Variants in BANK1 observed in about 807,000 individuals in gnomAD.
BANK1 encodes B-cell scaffold protein with ankyrin repeats.
Under a neutral mutation model 94.5 loss-of-function variants are expected in BANK1, and 95 were observed. That is an observed-to-expected ratio of 1.00 (90% CI 0.85 to 1.19). The LOEUF is 1.19. Among genes scored for constraint, BANK1 ranks in the 50% most tolerant of loss-of-function variants. The probability of loss-of-function intolerance (pLI) is 0.00; values close to 1 mark genes in which losing one functional copy is unlikely to be tolerated. For missense variants in BANK1, 987 were observed against 932.2 expected, an observed-to-expected ratio of 1.06 and a Z score of -0.77; for synonymous variants, 334 against 308.4, an observed-to-expected ratio of 1.08 and a Z score of -0.87.
intron 7 of BANK1, among the ~76,000 whole-genome samples, chr4:101,982,569 T>C (rs1407051122): frequency 6.6e-6 from 1 of 152,072 alleles, no homozygotes; most frequent in African/African-American, 2.4e-5. Context: ...AGGCAATCAA[T>C]AACTTTTTAA....
At position 101,988,505 on chromosome 4, in the gene BANK1, A is replaced by G. The variant is rs369775500; in HGVS notation, c.1207-33009A>G. On this transcript the variant is annotated intron_variant, in intron 7 of 16. Transcript: ENST00000322953. ...TTTTATTTGTAGACTGCTGGACATA[A>G]TGTGCCTCAACAAAGTATTTTTGAA... Among the ~76,000 whole-genome samples, 22 of 152,164 alleles carry G rather than the reference A, an allele frequency of 1.4e-4. No individual in the cohort carries two copies. The East Asian group carries it at 1.7e-3, about 12-fold the overall frequency.
At chr4:101,888,043 G>A (rs562313589) in intron 5 of BANK1, among the ~76,000 whole-genome samples, 2 of 151,970 alleles carry the variant, frequency 1.3e-5, no homozygotes, top group East Asian at 1.9e-4. Context: ...CACTTTAAAC[G>A]GCTGTTTTGG....
chr4:101,877,749 G>A (rs926175058), intron 5 of BANK1, among the ~76,000 whole-genome samples: 3 of 152,100 alleles, frequency 2.0e-5, no homozygotes, highest in African/African-American at 7.2e-5. Flanking sequence ...GCCAGGCATG[G>A]TGGCGGGTGC....
At chr4:102,069,721 C>T (rs1728697270) in intron 13 of BANK1, among the ~76,000 whole-genome samples, 1 of 152,080 alleles carries the variant, frequency 6.6e-6, no homozygotes, top group Admixed American at 6.5e-5. Flanking sequence ...ATGCAAATGT[C>T]CAATGGAAGA....
chr4:102,004,674 G>T (rs1726189618), intron 7 of BANK1, among the ~76,000 whole-genome samples: 1 of 152,048 alleles, frequency 6.6e-6, no homozygotes, highest in African/African-American at 2.4e-5. Context: ...GGTTTTAGTA[G>T]CTCATAATAG....
chr4:101,911,995 A>G (rs2148897873), intron 6 of BANK1, among the ~76,000 whole-genome samples: 1 of 152,264 alleles, frequency 6.6e-6, no homozygotes, highest in African/African-American at 2.4e-5. Context: ...TCTAATATCC[A>G]TTCATTTTAA....
At chr4:101,839,310 T>A (rs1019974786) in intron 2 of BANK1, among the ~76,000 whole-genome samples, 6 of 152,200 alleles carry the variant, frequency 3.9e-5, no homozygotes, top group Admixed American at 3.9e-4. Flanking sequence ...ATTCATTAAA[T>A]GTTTATGGTT....
chr4:101,813,884 C>T, intron 1 of BANK1: 1 of 985,392 alleles, frequency 1.0e-6, no homozygotes. Flanking sequence ...GGACTACTTG[C>T]TTGCTGGTTT....
intron 1 of BANK1, among the ~76,000 whole-genome samples, chr4:101,794,742 T>C (rs1321324698): frequency 2.0e-5 from 3 of 152,156 alleles, no homozygotes; most frequent in African/African-American, 7.2e-5. Context: ...CATTTACCCC[T>C]GAATTGAAAT....
intron 6 of BANK1, among the ~76,000 whole-genome samples, chr4:101,907,349 C>T (rs1477634612): frequency 1.3e-5 from 2 of 152,190 alleles, no homozygotes; most frequent in African/African-American, 4.8e-5. Context: ...TGACAAAATT[C>T]AACAGCACTT....
At chr4:102,025,542 A>T in intron 9 of BANK1, 33 bp downstream of exon 9, 1 of 1,589,896 alleles carries the variant, frequency 6.3e-7, no homozygotes, top group Non-Finnish European at 8.6e-7. Flanking sequence ...ACAAAACAAA[A>T]CAAAGACAAA....
intron 7 of BANK1, among the ~76,000 whole-genome samples, chr4:102,020,277 A>G (rs977638249): frequency 3.9e-5 from 6 of 152,144 alleles, no homozygotes; most frequent in African/African-American, 1.4e-4. Flanking sequence ...ATTGGAAACA[A>G]AGATTAGCTA....
At chr4:102,047,441 G>A (rs1045095224) in intron 11 of BANK1, among the ~76,000 whole-genome samples, 2 of 151,788 alleles carry the variant, frequency 1.3e-5, no homozygotes, top group South Asian at 4.2e-4. Context: ...TCTTTTTTAA[G>A]TCTACTATTA....
At chr4:101,941,723 A>G (rs954920225) in intron 7 of BANK1, among the ~76,000 whole-genome samples, 1 of 145,234 alleles carries the variant, frequency 6.9e-6, no homozygotes, top group Non-Finnish European at 1.5e-5. Context: ...ATATATATAT[A>G]TGCTTTCAGA....
chr4:101,818,462 A>T (rs1162505037), intron 1 of BANK1, among the ~76,000 whole-genome samples: 1 of 152,146 alleles, frequency 6.6e-6, no homozygotes, highest in African/African-American at 2.4e-5. Context: ...TTGTGAAGAA[A>T]TAACCACCAT....
chr4:102,027,684 AG>A (rs1727150090), intron 9 of BANK1, among the ~76,000 whole-genome samples: 1 of 151,172 alleles, frequency 6.6e-6, no homozygotes. Flanking sequence ...AAAAAAAAAA[AG>A]CCTTCTCCTC....
At chr4:102,062,894 A>G (rs1578487758) in intron 12 of BANK1, 181 bp from the exon 13 acceptor site, 1 of 560,994 alleles carries the variant, frequency 1.8e-6, no homozygotes, top group East Asian at 3.0e-5. Flanking sequence ...CATCCACTTC[A>G]TTAAGCTGTG....
At chr4:101,869,626 A>T (rs1728208879) in intron 4 of BANK1, among the ~76,000 whole-genome samples, 1 of 151,898 alleles carries the variant, frequency 6.6e-6, no homozygotes, top group African/African-American at 2.4e-5. Context: ...ATCCTTAAAA[A>T]CTTTTAAATA....
At chr4:101,850,130 A>T (rs1224763485) in intron 2 of BANK1, among the ~76,000 whole-genome samples, 1 of 152,234 alleles carries the variant, frequency 6.6e-6, no homozygotes, top group Admixed American at 6.5e-5. Flanking sequence ...ATGAAATACA[A>T]TGTCAGTAAA....
Sources: allele counts gnomAD v4.1 joint callset (sites outside exome capture counted in the v4.1 genomes callset), GRCh38; gene constraint gnomAD v4.1.1; transcripts MANE v1.5; gene names NCBI Gene and HGNC (gene_info 2026-07-23, HGNC 2026-07-21).